SYTL2: variants seen among roughly 807,000 people sequenced by gnomAD.
The protein encoded by SYTL2 is synaptotagmin like 2.
Under a neutral mutation model 198.7 loss-of-function variants are expected in SYTL2, and 165 were observed. The ratio of observed to expected loss-of-function variants is 0.83; its 90% CI spans 0.73 to 0.94. The LOEUF (loss-of-function observed/expected upper bound fraction) is 0.94. Ranked by LOEUF, SYTL2 falls within the 40% of genes least tolerant of loss-of-function variation. The pLI is 0.00. For synonymous variants in SYTL2, 966 were observed against 917.7 expected (o/e 1.05, Z -0.95); for missense variants, 2,835 against 2,582.8 (o/e 1.10, Z -2.12).
chr11:85,722,489 C>T (rs1220929075), intron 8 of SYTL2, among the ~76,000 whole-genome samples: 10 of 151,960 alleles, frequency 6.6e-5, no homozygotes, highest in South Asian at 2.1e-4. Context: ...GATTATTTAA[C>T]GCTGCCTTTT....
chr11:85,792,076 G>A (rs565651365), intron 1 of SYTL2, among the ~76,000 whole-genome samples: 1 of 152,178 alleles, frequency 6.6e-6, no homozygotes, highest in African/African-American at 2.4e-5. Flanking sequence ...CCCAGTAAGA[G>A]TCACAGGAAG....
At chr11:85,772,919 G>T (rs561433790) in intron 1 of SYTL2, among the ~76,000 whole-genome samples, 4 of 152,120 alleles carry the variant, frequency 2.6e-5, no homozygotes, top group Non-Finnish European at 4.4e-5. Context: ...GAAATAATAT[G>T]CAAAAGGCAT....
the SYTL2 span, among the ~76,000 whole-genome samples, chr11:85,847,461 C>T: frequency 6.6e-6 from 1 of 151,994 alleles, no homozygotes; most frequent in African/African-American, 2.4e-5. Flanking sequence ...TATGAACATT[C>T]ATTTTCATTT....
At chr11:85,720,337 T>A (rs553366743) in intron 9 of SYTL2, among the ~76,000 whole-genome samples, 1 of 152,224 alleles carries the variant, frequency 6.6e-6, no homozygotes, top group African/African-American at 2.4e-5. Context: ...ATGTTCTTGA[T>A]AATAGCCTGT....
Position 85,726,612 on chromosome 11 carries a change from C to A in SYTL2, c.2746G>T (p.Val916Leu). ...KKNEPIKRSQ[V>L]ADSLPSRRNI... The stretch of plus-strand genomic sequence containing the variant: ...CTTCTAGAAGGCAAACTGTCTGCCA[C>A]TTGTGATCTTTTTATAGGCTCATTT... Residue 916 changes from valine to leucine, a missense_variant, in exon 8 of 20, where the codon GTG becomes TTG. Physicochemically the swap from Val to Leu is conservative, Grantham distance 32. Coordinates refer to ENST00000359152, the MANE Select transcript of SYTL2 (RefSeq NM_206927.4). The A allele has an allele frequency of 6.5e-7, 1 of 1,547,606 alleles. No individual in the cohort carries two copies.
intron 1 of SYTL2, among the ~76,000 whole-genome samples, chr11:85,761,556 C>A (rs2092096775): frequency 6.6e-6 from 1 of 152,158 alleles, no homozygotes; most frequent in African/African-American, 2.4e-5. Flanking sequence ...GATGAAGCAG[C>A]ATTAAAGAAA....
Position 85,725,233 on chromosome 11 carries a change from C to A in SYTL2, c.4125G>T (p.Gln1375His), listed in dbSNP as rs2088967474. 6.2e-7 allele frequency: 1 copy of A among 1,614,070 alleles called. No homozygotes were observed. Among genetic ancestry groups the A allele is most frequent in the Non-Finnish European group, 8.5e-7 (1 of 1,180,032 alleles). ...PVLNDVSAAL[Q>H]KLCGEVWLSY... is the part of the protein sequence containing the mutation. The stretch of plus-strand genomic sequence containing the variant: ...TTAACCATACTTCTCCACACAGCTT[C>A]TGTAATGCAGCACTTACATCATTCA... Residue 1375 changes from glutamine to histidine, a missense_variant, in exon 8 of 20, where the codon CAG (glutamine) becomes CAT (histidine). Gln to His is a conservative substitution (Grantham distance 24). Around this residue, in one of 3 missense-constraint regions of SYTL2, gnomAD observed 2,645 missense variants for 2,381.7 expected, o/e 1.11. Coordinates refer to ENST00000359152, the MANE Select transcript of SYTL2 (RefSeq NM_206927.4).
At chr11:85,718,922 C>A in intron 9 of SYTL2, 79 bp from the exon 10 acceptor site, 1 of 1,573,298 alleles carries the variant, frequency 6.4e-7, no homozygotes, top group Non-Finnish European at 8.6e-7. Flanking sequence ...CCCTGGAAGC[C>A]CCCGGAGTTG....
At position 85,727,530 on chromosome 11, in the gene SYTL2, T is replaced by G. The variant is rs2089338262; in HGVS notation, c.1828A>C (p.Asn610His). The change falls in exon 8 of 20, where the codon AAT becomes CAT. Residue 610 changes from asparagine (N) to histidine (H), a missense_variant. This residue lies in a region of SYTL2 where 2,645 missense variants were observed against 2,381.7 expected (regional missense o/e 1.11). Transcript: ENST00000359152. ...AAATTCATGAATTTGGATTTGATAT[T>G]CACATTATTATCTTGGCAACTTTCA... ...VSESCQDNNV[N>H]IKSKFMNLSQ... is the part of the protein sequence containing the mutation. The G allele has an allele frequency of 6.5e-7, 1 of 1,535,974 alleles. No homozygotes were observed. The highest frequency in any genetic ancestry group is 2.0e-5 in the Admixed American group (1 of 50,982).
intron 1 of SYTL2, among the ~76,000 whole-genome samples, chr11:85,761,082 G>A (rs2092082583): frequency 6.6e-6 from 1 of 152,008 alleles, no homozygotes; most frequent in Non-Finnish European, 1.5e-5. Flanking sequence ...AAGCACTGGA[G>A]GTGCAGCAAG....
At position 85,709,468 on chromosome 11, in the gene SYTL2, T is replaced by C. The variant is rs779788529; in HGVS notation, c.5778A>G (p.Gly1926=). The C allele has an allele frequency of 6.2e-7, 1 of 1,614,014 alleles. No homozygotes were observed. The highest frequency in any genetic ancestry group is 1.1e-5 in the South Asian group (1 of 91,076). The change falls in exon 14 of 20, where the codon GGA becomes GGG. Residue 1926 remains glycine (G), a synonymous_variant. Transcript: ENST00000359152. ...VSGSVMSVYS[G]DFGNLEVKGN... Reference sequence around the variant, plus strand: ...CTTTAACTTCCAGATTGCCAAAGTCTCCACTATAAACACTCATCACACTGC... The same window carrying C: ...CTTTAACTTCCAGATTGCCAAAGTCCCCACTATAAACACTCATCACACTGC...
At chr11:85,709,987 A>T (rs2085969833) in intron 13 of SYTL2, among the ~76,000 whole-genome samples, 2 of 152,196 alleles carry the variant, frequency 1.3e-5, no homozygotes, top group African/African-American at 4.8e-5. Flanking sequence ...CCAGCCGACT[A>T]ATGTTTTTAA....
intron 15 of SYTL2, 138 bp from the exon 16 acceptor site, chr11:85,705,166 A>C (rs2084934967): frequency 1.7e-6 from 1 of 574,332 alleles, no homozygotes; most frequent in Non-Finnish European, 3.0e-6. Context: ...AATATTGCAA[A>C]GTCATCTTAT....
chr11:85,707,617 C>G (rs899750220), intron 14 of SYTL2, 86 bp from the exon 15 acceptor site: 2 of 864,050 alleles, frequency 2.3e-6, no homozygotes, highest in Admixed American at 4.4e-5. Flanking sequence ...TGAAAACTGA[C>G]AGCAGAAATA....
chr11:85,789,360 ATATATATATATATATATG>A (rs1186372112), intron 1 of SYTL2, among the ~76,000 whole-genome samples: 981 of 61,702 alleles, frequency 0.016, 7 homozygotes, highest in African/African-American at 0.029. Flanking sequence ...ATATATATAT[ATATATATATATATATATG>A]TATATATATA....
chr11:85,751,872 T>G (rs990728596), intron 2 of SYTL2, among the ~76,000 whole-genome samples: 1 of 152,244 alleles, frequency 6.6e-6, no homozygotes, highest in Non-Finnish European at 1.5e-5. Context: ...GGCTATTTGT[T>G]CACTGACTCA....
the SYTL2 span, among the ~76,000 whole-genome samples, chr11:85,824,581 G>A: frequency 1.3e-4 from 20 of 152,274 alleles, 1 homozygote; most frequent in South Asian, 3.9e-3. Flanking sequence ...AGTGAGAACT[G>A]GCAATTATAC....
At chr11:85,704,370 C>T (rs1264574554) in intron 16 of SYTL2, among the ~76,000 whole-genome samples, 1 of 151,902 alleles carries the variant, frequency 6.6e-6, no homozygotes, top group African/African-American at 2.4e-5. Context: ...ATAAGACAAT[C>T]TCAAATATAG....
chr11:85,699,465 T>C (rs1362729169), intron 17 of SYTL2, among the ~76,000 whole-genome samples: 2 of 152,158 alleles, frequency 1.3e-5, no homozygotes, highest in Non-Finnish European at 2.9e-5. Flanking sequence ...ACAAATTATA[T>C]GCAAAAGAAT....
Sources: gnomAD v4.1 joint callset for allele counts (sites outside exome capture counted in the v4.1 genomes callset) on GRCh38, gnomAD v4.1.1 for gene constraint, gnomAD v4.1.1 regional missense constraint, MANE v1.5 for transcripts, NCBI Gene and HGNC (gene_info 2026-07-23, HGNC 2026-07-21) for gene names.